The following TTC23L variants were observed in gnomAD, a reference collection of about 807,000 sequenced individuals.
TTC23L encodes tetratricopeptide repeat domain 23 like.
A neutral mutation model predicts 48.1 loss-of-function variants in TTC23L; 42 were observed. That is an observed-to-expected ratio of 0.87 (90% CI 0.68 to 1.13). The LOEUF (loss-of-function observed/expected upper bound fraction) is 1.13. TTC23L is among the 50% of genes most tolerant of loss of function. The pLI, the probability that TTC23L is intolerant of heterozygous loss-of-function variation, is 0.00. For synonymous variants in TTC23L, 159 were observed against 157.2 expected (o/e 1.01, Z -0.09); for missense variants, 391 against 421.0 (o/e 0.93, Z 0.62).
chr5:34,849,822 T>C (rs923937277), intron 3 of TTC23L, among the ~76,000 whole-genome samples: 3 of 152,174 alleles, frequency 2.0e-5, no homozygotes, highest in African/African-American at 7.2e-5. Flanking sequence ...ATGCTGTCTG[T>C]TTTGTATATT....
chr5:34,907,962 A>G, the TTC23L span: 1 of 152,222 alleles, frequency 6.6e-6, no homozygotes, highest in African/African-American at 2.4e-5. Context: ...TTGTTAAAAT[A>G]CAGAATGCTG....
downstream of TTC23L, among the ~76,000 whole-genome samples, chr5:34,901,761 T>TCAAAAA (rs10632255): frequency 0.091 from 13,801 of 151,824 alleles, 1,108 homozygotes; most frequent in African/African-American, 0.21. Context: ...AAACTCCATC[T>TCAAAAA]CAAAAACAAA....
chr5:34,919,693 C>T, the TTC23L span: 1 of 352,032 alleles, frequency 2.8e-6, no homozygotes, highest in East Asian at 4.1e-5. Flanking sequence ...TTGTTTCCAG[C>T]TCTTGTTTTG....
chr5:34,912,657 C>T, the TTC23L span, among the ~76,000 whole-genome samples: 1 of 152,068 alleles, frequency 6.6e-6, no homozygotes, highest in South Asian at 2.1e-4. Context: ...TTCAATTTCA[C>T]CATTCTTAAA....
the TTC23L span, chr5:34,925,318 G>A: frequency 6.2e-7 from 1 of 1,613,164 alleles, no homozygotes; most frequent in South Asian, 1.1e-5. Context: ...AAGAGCCGAA[G>A]ACTCTTCTTC....
the TTC23L span, chr5:34,914,564 T>C: frequency 2.5e-6 from 2 of 804,102 alleles, no homozygotes; most frequent in South Asian, 3.8e-5. Flanking sequence ...ATTTATTTAT[T>C]AAGTTATTTA....
intron 9 of TTC23L, among the ~76,000 whole-genome samples, chr5:34,895,933 T>C (rs1332339533): frequency 1.3e-5 from 2 of 152,078 alleles, no homozygotes; most frequent in Non-Finnish European, 2.9e-5. Context: ...ATTCCAACAC[T>C]CCATCTACAA....
intron 7 of TTC23L, 174 bp downstream of exon 7, chr5:34,867,243 A>G (rs1446312839): frequency 1.5e-6 from 1 of 684,306 alleles, no homozygotes; most frequent in Non-Finnish European, 2.5e-6. Flanking sequence ...TTAAATGACC[A>G]GGCCAGAGAA....
intron 9 of TTC23L, among the ~76,000 whole-genome samples, chr5:34,894,940 A>G (rs148934734): frequency 1.2e-3 from 180 of 152,140 alleles, no homozygotes; most frequent in African/African-American, 4.2e-3. Flanking sequence ...TGAAGATGAC[A>G]ATGATTGCAG....
At chr5:34,914,874 G>C in the TTC23L span, 2 of 1,614,144 alleles carry the variant, frequency 1.2e-6, no homozygotes. Flanking sequence ...TCTTGGATCT[G>C]TTGGGTCAGA....
At chr5:34,924,226 C>T in the TTC23L span, among the ~76,000 whole-genome samples, 58 of 152,108 alleles carry the variant, frequency 3.8e-4, no homozygotes, top group Admixed American at 1.2e-3. Context: ...AAGAGAACAG[C>T]AAGAACAAAA....
chr5:34,923,014 TACC>T, the TTC23L span: 12 of 1,535,916 alleles, frequency 7.8e-6, no homozygotes, highest in South Asian at 2.3e-5. Flanking sequence ...TTTGATGAAT[TACC>T]ACATTATGCT....
At chr5:34,919,366 T>A in the TTC23L span, among the ~76,000 whole-genome samples, 1 of 151,438 alleles carries the variant, frequency 6.6e-6, no homozygotes, top group Non-Finnish European at 1.5e-5. Context: ...AGAGGTGCTT[T>A]GGGGTTTTTT....
the TTC23L span, chr5:34,913,909 G>T: frequency 2.2e-5 from 10 of 452,050 alleles, no homozygotes; most frequent in Non-Finnish European, 4.5e-5. Context: ...ATTGATACGG[G>T]GGTCTCACTA....
intron 8 of TTC23L, among the ~76,000 whole-genome samples, chr5:34,874,762 CA>C (rs1761711325): frequency 6.6e-6 from 1 of 151,168 alleles, no homozygotes; most frequent in Non-Finnish European, 1.5e-5. Flanking sequence ...AAAGCAAAAC[CA>C]CAAAAGGTAG....
At chr5:34,903,355 A>G (rs1179550065), downstream of TTC23L, among the ~76,000 whole-genome samples, 1 of 152,178 alleles carries the variant, frequency 6.6e-6, no homozygotes, top group Non-Finnish European at 1.5e-5. Flanking sequence ...CATAAAAAAA[A>G]TTAAGGGAAA....
chr5:34,871,289 A>G (rs1269897199), intron 8 of TTC23L, among the ~76,000 whole-genome samples: 5 of 151,228 alleles, frequency 3.3e-5, no homozygotes, highest in African/African-American at 1.2e-4. Flanking sequence ...AACTGGAAAC[A>G]AAAATTTAAA....
intron 8 of TTC23L, among the ~76,000 whole-genome samples, chr5:34,877,788 C>T (rs1761961826): frequency 6.6e-6 from 1 of 152,124 alleles, no homozygotes; most frequent in Non-Finnish European, 1.5e-5. Flanking sequence ...AGACAGTTTC[C>T]TCTCACCACT....
downstream of TTC23L, among the ~76,000 whole-genome samples, chr5:34,904,220 T>A (rs1039423745): frequency 2.6e-5 from 4 of 151,430 alleles, no homozygotes; most frequent in Admixed American, 2.0e-4. Context: ...TCCTCCTGCC[T>A]CGGCCTCCCA....
Sources: allele counts gnomAD v4.1 joint callset (sites outside exome capture counted in the v4.1 genomes callset), GRCh38; gene constraint gnomAD v4.1.1; transcripts MANE v1.5; gene names NCBI Gene and HGNC (gene_info 2026-07-23, HGNC 2026-07-21).